ADCY2: variants seen among roughly 807,000 people sequenced by gnomAD.
The protein encoded by ADCY2 is adenylate cyclase type 2.
In ADCY2, 31 loss-of-function variants were observed where a neutral mutation model predicts 125.2. The observed-to-expected ratio is 0.25, with a 90% CI of 0.19 to 0.33. The LOEUF (loss-of-function observed/expected upper bound fraction) is 0.33, where lower values mean the gene tolerates loss of function less well. ADCY2 is among the 10% of genes least tolerant of loss of function. The pLI is 1.00. For missense variants in ADCY2, 904 were observed against 1,418.2 expected, an observed-to-expected ratio of 0.64 and a Z score of 5.82; for synonymous variants, 512 against 548.4, an observed-to-expected ratio of 0.93 and a Z score of 0.93.
At chr5:7,537,613 A>G (rs1161514200) in intron 3 of ADCY2, among the ~76,000 whole-genome samples, 2 of 152,114 alleles carry the variant, frequency 1.3e-5, no homozygotes, top group African/African-American at 2.4e-5. Flanking sequence ...TGCATCACTT[A>G]CTGCCTGGGG....
rs1203052729 is a variant in ADCY2, at chr5:7,414,662, T to G, written c.300T>G (p.Ser100=). ...FAIFILVCIE[S]VFKKLLRLFS... The stretch of plus-strand genomic sequence containing the variant: ...TATTTATCCTGGTCTGCATCGAGTC[T>G]GTGTTTAAGAAGCTGCTGCGCCTCT... The change falls in exon 2 of 25, where the codon TCT becomes TCG. Residue 100 remains serine (S), a synonymous_variant. Transcript: ENST00000338316. 1.2e-6 allele frequency: 2 copies of G among 1,613,842 alleles called. No individual in the cohort carries two copies. Among genetic ancestry groups the G allele is most frequent in the Non-Finnish European group, 8.5e-7 (1 of 1,179,992 alleles).
intron 2 of ADCY2, among the ~76,000 whole-genome samples, chr5:7,488,799 C>T (rs1428274140): frequency 6.6e-6 from 1 of 152,144 alleles, no homozygotes; most frequent in Non-Finnish European, 1.5e-5. Context: ...CTTCTAGAAT[C>T]CCAAAGCCCC....
chr5:7,684,163 A>G (rs549673828), intron 4 of ADCY2, among the ~76,000 whole-genome samples: 89 of 152,278 alleles, frequency 5.8e-4, no homozygotes, highest in African/African-American at 2.1e-3. Flanking sequence ...TTTTCACTTT[A>G]TGGTGTGTGA....
intron 2 of ADCY2, among the ~76,000 whole-genome samples, chr5:7,450,101 A>C (rs1741419131): frequency 1.3e-5 from 2 of 152,206 alleles, no homozygotes; most frequent in South Asian, 4.1e-4. Flanking sequence ...AGTAGCCTCT[A>C]AGTGTTCAAT....
At chr5:7,702,690 G>C (rs991257553) in intron 7 of ADCY2, among the ~76,000 whole-genome samples, 3 of 152,174 alleles carry the variant, frequency 2.0e-5, no homozygotes, top group African/African-American at 7.2e-5. Flanking sequence ...GTAAACATAC[G>C]TGTGCATGCG....
At chr5:7,711,716 CT>C (rs1741445119) in intron 10 of ADCY2, among the ~76,000 whole-genome samples, 1 of 152,196 alleles carries the variant, frequency 6.6e-6, no homozygotes, top group Admixed American at 6.5e-5. Flanking sequence ...AGTGCCTCAA[CT>C]TCAGAAATTT....
chr5:7,681,652 G>T (rs756691553), intron 4 of ADCY2, among the ~76,000 whole-genome samples: 1 of 152,212 alleles, frequency 6.6e-6, no homozygotes. Flanking sequence ...CTCACCCAGG[G>T]GTGCTTCCAG....
rs326173 is a variant in ADCY2 at position 7,828,420 on chromosome 5, C to A, written c.*1549C>A. 0.66 allele frequency: 101,086 copies of A among 152,062 alleles called. 34,614 individuals are homozygous for A. The highest frequency in any genetic ancestry group is 0.83 in the African/African-American group (34,291 of 41,510). 9.4% of individuals were successfully genotyped at this position (152,062 alleles called of 1,614,324 possible). A position where few individuals can be genotyped will look rare whatever the true frequency, so the allele number is the denominator to read the frequency against. On this transcript the variant is annotated 3_prime_UTR_variant, in exon 25 of 25. Coordinates refer to ENST00000338316, the MANE Select transcript of ADCY2 (RefSeq NM_020546.3). ...ACTTTCCTTATTGGCAACTTATGGA[C>A]TCGCTAGTGATTAAACGAGGCAATG...
chr5:7,589,478 G>GAAAGAAAGAA (rs1217967702), intron 3 of ADCY2, among the ~76,000 whole-genome samples: 58 of 50,794 alleles, frequency 1.1e-3, no homozygotes, highest in Non-Finnish European at 2.4e-3. Context: ...AAGAAAGAAA[G>GAAAGAAAGAA]AAAGAAAGAA....
At chr5:7,520,969 G>A in intron 3 of ADCY2, 70 bp downstream of exon 3, 2 of 1,578,424 alleles carry the variant, frequency 1.3e-6, no homozygotes, top group Non-Finnish European at 1.7e-6. Context: ...AGGTGCTGCT[G>A]GCCCATTCAG....
At chr5:7,507,588 G>A (rs1195552474) in intron 2 of ADCY2, among the ~76,000 whole-genome samples, 2 of 152,010 alleles carry the variant, frequency 1.3e-5, no homozygotes, top group Non-Finnish European at 2.9e-5. Flanking sequence ...AAAATAAGAA[G>A]GAGGCACTTT....
intron 2 of ADCY2, among the ~76,000 whole-genome samples, chr5:7,510,770 A>G (rs1744024445): frequency 6.6e-6 from 1 of 152,152 alleles, no homozygotes; most frequent in Admixed American, 6.5e-5. Context: ...AGTGGATGCA[A>G]AGGAGTTGAT....
At chr5:7,819,772 A>G (rs1278867941) in intron 23 of ADCY2, among the ~76,000 whole-genome samples, 1 of 152,210 alleles carries the variant, frequency 6.6e-6, no homozygotes, top group East Asian at 1.9e-4. Flanking sequence ...AAGCGATGGG[A>G]CAAATAATGA....
At chr5:7,665,796 C>G (rs191821914) in intron 4 of ADCY2, among the ~76,000 whole-genome samples, 177 of 101,514 alleles carry the variant, frequency 1.7e-3, no homozygotes, top group African/African-American at 6.4e-3. Flanking sequence ...TGTTCTGGGT[C>G]TATTTATGTT....
At chr5:7,397,268 T>C (rs1739086444) in intron 1 of ADCY2, among the ~76,000 whole-genome samples, 1 of 152,050 alleles carries the variant, frequency 6.6e-6, no homozygotes, top group Non-Finnish European at 1.5e-5. Context: ...ATGTCAGTTT[T>C]GCCAGTTTAT....
intron 14 of ADCY2, among the ~76,000 whole-genome samples, chr5:7,742,630 A>T (rs1314874901): frequency 6.6e-6 from 1 of 152,168 alleles, no homozygotes; most frequent in East Asian, 1.9e-4. Context: ...GTGGCTTCTC[A>T]TCATGACAGC....
intron 3 of ADCY2, among the ~76,000 whole-genome samples, chr5:7,614,529 G>T (rs1287269808): frequency 6.6e-6 from 1 of 152,172 alleles, no homozygotes; most frequent in Non-Finnish European, 1.5e-5. Flanking sequence ...TCCACCTTTG[G>T]TTTTGTTAGC....
chr5:7,586,753 A>T (rs1459248577), intron 3 of ADCY2, among the ~76,000 whole-genome samples: 4 of 152,076 alleles, frequency 2.6e-5, no homozygotes, highest in African/African-American at 9.7e-5. Flanking sequence ...GTGGACTGTG[A>T]TAGGTGAGCG....
chr5:7,612,257 A>T (rs1356932898), intron 3 of ADCY2, among the ~76,000 whole-genome samples: 2 of 152,242 alleles, frequency 1.3e-5, no homozygotes, highest in African/African-American at 2.4e-5. Flanking sequence ...AGGAAACCTC[A>T]TGTTATTTCC....
Sources: allele counts gnomAD v4.1 joint callset (sites outside exome capture counted in the v4.1 genomes callset), GRCh38; gene constraint gnomAD v4.1.1; transcripts MANE v1.5; gene names NCBI Gene and HGNC (gene_info 2026-07-23, HGNC 2026-07-21).